ATRNL1: variants seen among roughly 807,000 people sequenced by gnomAD.
ATRNL1 encodes the protein attractin like 1, also known as attractin-like protein 1.
A neutral mutation model predicts 182.7 loss-of-function variants in ATRNL1; 95 were observed. The ratio of observed to expected loss-of-function variants is 0.52; its 90% CI spans 0.44 to 0.62. The LOEUF (loss-of-function observed/expected upper bound fraction) is 0.62, where lower values mean the gene tolerates loss of function less well. Ranked by LOEUF, ATRNL1 falls within the 20% of genes least tolerant of loss-of-function variation. ATRNL1 has a pLI of 0.00. For synonymous variants in ATRNL1, 576 were observed against 568.3 expected (o/e 1.01, Z -0.19); for missense variants, 1,471 against 1,679.5 (o/e 0.88, Z 2.17).
At chr10:115,637,262 A>T (rs1394344082) in intron 26 of ATRNL1, among the ~76,000 whole-genome samples, 4 of 152,196 alleles carry the variant, frequency 2.6e-5, no homozygotes, top group Non-Finnish European at 1.5e-5. Context: ...AGAAAAAGGC[A>T]TGCTTGTCTA....
intron 1 of ATRNL1, among the ~76,000 whole-genome samples, chr10:115,112,070 A>AG (rs1844280143): frequency 6.6e-6 from 1 of 151,864 alleles, no homozygotes; most frequent in Non-Finnish European, 1.5e-5. Flanking sequence ...AAAAAACCCA[A>AG]AAAAAAACTT....
intron 21 of ATRNL1, among the ~76,000 whole-genome samples, chr10:115,426,868 G>A (rs1554963025): frequency 6.6e-6 from 1 of 152,098 alleles, no homozygotes; most frequent in African/African-American, 2.4e-5. Flanking sequence ...GGGATTACAT[G>A]TGCCCACCAC....
At chr10:115,856,428 CAAAAAAAAAAA>C (rs572743389) in intron 28 of ATRNL1, among the ~76,000 whole-genome samples, 1 of 22,536 alleles carries the variant, frequency 4.4e-5, no homozygotes, top group Admixed American at 1.1e-3. Flanking sequence ...AGCTCCATCT[CAAAAAAAAAAA>C]AAAAAAAAAA....
At chr10:115,827,144 A>G (rs1950453336) in intron 27 of ATRNL1, among the ~76,000 whole-genome samples, 1 of 152,232 alleles carries the variant, frequency 6.6e-6, no homozygotes, top group Non-Finnish European at 1.5e-5. Context: ...TAACATGCCC[A>G]AAGCCAGAGG....
chr10:115,587,608 C>G (rs553247567), intron 26 of ATRNL1, among the ~76,000 whole-genome samples: 1 of 150,598 alleles, frequency 6.6e-6, no homozygotes, highest in Admixed American at 6.6e-5. Flanking sequence ...ATGCCTCGCC[C>G]GCTTCGGCTC....
intron 19 of ATRNL1, among the ~76,000 whole-genome samples, chr10:115,375,887 C>G (rs1857643473): frequency 6.6e-6 from 1 of 151,994 alleles, no homozygotes; most frequent in African/African-American, 2.4e-5. Flanking sequence ...TACTGTATTA[C>G]TGTATTCTGA....
At chr10:115,168,847 G>C (rs1485569864) in intron 7 of ATRNL1, among the ~76,000 whole-genome samples, 2 of 150,900 alleles carry the variant, frequency 1.3e-5, no homozygotes, top group Non-Finnish European at 3.0e-5. Flanking sequence ...TCCTTTTATT[G>C]CTTGTGATTT....
At chr10:115,503,748 A>G (rs2133643411) in intron 24 of ATRNL1, among the ~76,000 whole-genome samples, 1 of 151,978 alleles carries the variant, frequency 6.6e-6, no homozygotes, top group South Asian at 2.1e-4. Flanking sequence ...TGTTCATGAC[A>G]TGCTTGGACT....
At chr10:115,657,776 T>A (rs1469800916) in intron 26 of ATRNL1, among the ~76,000 whole-genome samples, 1 of 152,114 alleles carries the variant, frequency 6.6e-6, no homozygotes, top group Non-Finnish European at 1.5e-5. Flanking sequence ...CAATTAAGAA[T>A]CTTTGCTTTA....
intron 26 of ATRNL1, among the ~76,000 whole-genome samples, chr10:115,719,136 G>A (rs1555057099): frequency 6.6e-6 from 1 of 152,124 alleles, no homozygotes; most frequent in East Asian, 1.9e-4. Context: ...TAGAATTTTA[G>A]TCTAAGCTAT....
intron 26 of ATRNL1, among the ~76,000 whole-genome samples, chr10:115,692,541 C>G (rs1565291213): frequency 6.6e-6 from 1 of 151,934 alleles, no homozygotes; most frequent in Non-Finnish European, 1.5e-5. Context: ...TTAGATTGTT[C>G]AAGTACTCTA....
rs563535506 is a variant in ATRNL1, at chr10:115,920,083, A to G, written c.4019-24575A>G. On this transcript the variant is annotated intron_variant, in intron 28 of 28. Coordinates refer to ENST00000355044, the MANE Select transcript of ATRNL1 (RefSeq NM_207303.4). Reference sequence around the variant, plus strand: ...TGCTCACCTGCCTGTGTACCCCAGTATCCTCTTCTCATTGAAGTCCAGTCT... The same window carrying G: ...TGCTCACCTGCCTGTGTACCCCAGTGTCCTCTTCTCATTGAAGTCCAGTCT... Among the ~76,000 whole-genome samples the G allele has an allele frequency of 7.9e-5, 12 of 152,284 alleles. No homozygotes were observed. The East Asian group carries it at 2.1e-3, about 27-fold the overall frequency.
At chr10:115,647,950 T>C (rs1593004676) in intron 26 of ATRNL1, among the ~76,000 whole-genome samples, 1 of 152,302 alleles carries the variant, frequency 6.6e-6, no homozygotes, top group East Asian at 1.9e-4. Flanking sequence ...AAGTCTTTAA[T>C]CCATCTTGAA....
chr10:115,390,262 A>T (rs1373819274), intron 19 of ATRNL1, among the ~76,000 whole-genome samples: 1 of 152,078 alleles, frequency 6.6e-6, no homozygotes, highest in African/African-American at 2.4e-5. Context: ...AAACCAAGAA[A>T]TTTTTGCCCA....
In ATRNL1 at chr10:115,397,459, T is replaced by C. The variant is rs1202706429; in HGVS notation, c.3269+2707T>C. Among the ~76,000 whole-genome samples, 3 of 152,152 alleles carry C rather than the reference T, an allele frequency of 2.0e-5. No individual in the cohort carries two copies. In the East Asian group the frequency reaches 5.8e-4, roughly 29 times the overall value. On this transcript the variant is annotated intron_variant, in intron 20 of 28. Transcript: ENST00000355044. Reference sequence around the variant, plus strand: ...TGTTAATTTCTTTTCTTGCATTATTTGTGTACTTGTCTGTGTCCTTTACTA... The same window carrying C: ...TGTTAATTTCTTTTCTTGCATTATTCGTGTACTTGTCTGTGTCCTTTACTA...
At chr10:115,463,951 C>T (rs1847935004) in intron 22 of ATRNL1, among the ~76,000 whole-genome samples, 1 of 151,940 alleles carries the variant, frequency 6.6e-6, no homozygotes, top group Admixed American at 6.6e-5. Context: ...GAATAATATT[C>T]CTCCACAGTA....
intron 5 of ATRNL1, among the ~76,000 whole-genome samples, chr10:115,144,113 G>A (rs1255112216): frequency 6.6e-6 from 1 of 150,954 alleles, no homozygotes; most frequent in Non-Finnish European, 1.5e-5. Flanking sequence ...CCAAGTAGCT[G>A]GATTACAGGT....
At chr10:115,881,658 G>A (rs1951829841) in intron 28 of ATRNL1, among the ~76,000 whole-genome samples, 1 of 152,142 alleles carries the variant, frequency 6.6e-6, no homozygotes. Context: ...GCCATATGCT[G>A]GGTACTTTAG....
At chr10:115,203,103 G>T (rs1157475476) in intron 8 of ATRNL1, among the ~76,000 whole-genome samples, 1 of 152,108 alleles carries the variant, frequency 6.6e-6, no homozygotes, top group Non-Finnish European at 1.5e-5. Context: ...TGGTCATTGT[G>T]GAAGTATGAA....
Sources: gnomAD v4.1 joint callset for allele counts (sites outside exome capture counted in the v4.1 genomes callset) on GRCh38, gnomAD v4.1.1 for gene constraint, MANE v1.5 for transcripts, NCBI Gene and HGNC (gene_info 2026-07-23, HGNC 2026-07-21) for gene names.